Variants in ACSM6 observed in about 807,000 individuals in gnomAD.
ACSM6 encodes acyl-CoA synthetase medium chain family member 6, also known as acyl-coenzyme A synthetase ACSM6, mitochondrial.
A neutral mutation model predicts 51.1 loss-of-function variants in ACSM6; 35 were observed. That is an observed-to-expected ratio of 0.69 (90% CI 0.52 to 0.91). ACSM6 has a LOEUF of 0.91. Ranked by LOEUF, ACSM6 falls within the 40% of genes least tolerant of loss-of-function variation. ACSM6 has a pLI of 0.00. For missense variants in ACSM6, 509 were observed against 584.1 expected (o/e 0.87, Z 1.32); for synonymous variants, 172 against 207.3 (o/e 0.83, Z 1.46).
exon 8 of ACSM6, chr10:95,214,914 T>C (rs1467831251): frequency 6.4e-7 from 1 of 1,551,626 alleles, no homozygotes; most frequent in Non-Finnish European, 8.7e-7. Flanking sequence ...CCTGGGGTGA[T>C]TGAGGACTGG....
intron 4 of ACSM6, among the ~76,000 whole-genome samples, chr10:95,208,933 TAAAAAAAAAAAAA>T (rs34370150): frequency 1.8e-4 from 6 of 33,928 alleles, no homozygotes; most frequent in South Asian, 2.5e-3. Flanking sequence ...CAGGGATGTT[TAAAAAAAAAAAAA>T]AAAAAAAAAA....
At chr10:95,200,599 G>GAAGGAA (rs2034784966) in intron 2 of ACSM6, among the ~76,000 whole-genome samples, 4 of 105,330 alleles carry the variant, frequency 3.8e-5, no homozygotes, top group African/African-American at 1.4e-4. Context: ...AGAAGAAGAA[G>GAAGGAA]AAGGAGAAGG....
chr10:95,217,223 C>T (rs997569911), intron 8 of ACSM6, among the ~76,000 whole-genome samples: 2 of 152,020 alleles, frequency 1.3e-5, no homozygotes, highest in African/African-American at 4.8e-5. Flanking sequence ...TGGCACGCAC[C>T]TGCAGTCCCA....
At chr10:95,211,549 A>T (rs1365526674) in intron 5 of ACSM6, among the ~76,000 whole-genome samples, 1 of 152,258 alleles carries the variant, frequency 6.6e-6, no homozygotes, top group East Asian at 1.9e-4. Context: ...TCAGGTAGAG[A>T]AATAAAACAG....
Position 95,202,214 on chromosome 10 carries a change from A to G in ACSM6, c.403+19A>G. 1 of 1,545,836 alleles carries G rather than the reference A, an allele frequency of 6.5e-7. No homozygotes were observed. The highest frequency in any genetic ancestry group is 1.2e-5 in the South Asian group (1 of 83,902). ...CGCTTGGGTGAGGCATGGGAGACGG[A>G]CCCCAGGGGTTGGAGGCTTATGTGA... On this transcript the variant is annotated intron_variant, in intron 3 of 10. Coordinates refer to ENST00000341686, the Ensembl canonical transcript of ACSM6.
intron 10 of ACSM6, among the ~76,000 whole-genome samples, chr10:95,227,525 A>G (rs938383255): frequency 6.6e-6 from 1 of 152,214 alleles, no homozygotes; most frequent in Non-Finnish European, 1.5e-5. Context: ...ATAATGCTGA[A>G]TATTTCCAGA....
chr10:95,203,887 A>G (rs1425677131), intron 3 of ACSM6, among the ~76,000 whole-genome samples: 1 of 151,618 alleles, frequency 6.6e-6, no homozygotes, highest in Non-Finnish European at 1.5e-5. Context: ...AAAAAACTGA[A>G]AAGTGATTCA....
At chr10:95,194,265 A>G (rs2034703674) in exon 1 of ACSM6, 2 of 479,222 alleles carry the variant, frequency 4.2e-6, no homozygotes, top group Admixed American at 6.6e-5. Context: ...CCATCCTCCA[A>G]ACATCTGAAG....
At position 95,207,461 on chromosome 10, in the gene ACSM6, G is replaced by A. The variant is rs758161945; in HGVS notation, c.611+46G>A. 15 of 1,572,724 alleles carry A rather than the reference G, an allele frequency of 9.5e-6. No homozygotes were observed. In the African/African-American group the frequency reaches 2.0e-4, roughly 21 times the overall value. The stretch of plus-strand genomic sequence containing the variant: ...AGATGCTTAAATGAAGGAAATGTTT[G>A]ACTTTGAAAGATGATGATATATGAG... On this transcript the variant is annotated intron_variant, in intron 4 of 10. Coordinates refer to ENST00000341686, the Ensembl canonical transcript of ACSM6.
chr10:95,220,803 G>T (rs2034988528), intron 9 of ACSM6, among the ~76,000 whole-genome samples: 1 of 152,000 alleles, frequency 6.6e-6, no homozygotes, highest in Non-Finnish European at 1.5e-5. Context: ...TTATATGTTT[G>T]TTTTTTCCAG....
intron 9 of ACSM6, among the ~76,000 whole-genome samples, chr10:95,224,288 G>A (rs2035019018): frequency 1.3e-5 from 2 of 152,184 alleles, no homozygotes; most frequent in African/African-American, 4.8e-5. Flanking sequence ...TTTCCAAGGT[G>A]ACAATTTGGA....
chr10:95,227,880 C>T (rs2035055532), intron 10 of ACSM6, among the ~76,000 whole-genome samples: 1 of 152,000 alleles, frequency 6.6e-6, no homozygotes, highest in African/African-American at 2.4e-5. Context: ...GCAGCCTGGC[C>T]AACATGGCAA....
intron 9 of ACSM6, among the ~76,000 whole-genome samples, chr10:95,224,986 G>A (rs1456577177): frequency 9.9e-5 from 15 of 152,078 alleles, no homozygotes; most frequent in Admixed American, 9.8e-4. Context: ...CTGTATAATA[G>A]GTGCACTTTA....
intron 8 of ACSM6, among the ~76,000 whole-genome samples, chr10:95,217,452 C>G (rs1049257010): frequency 2.0e-5 from 3 of 151,828 alleles, no homozygotes; most frequent in African/African-American, 4.8e-5. Flanking sequence ...AGCAAAAACA[C>G]AAAATATTTT....
chr10:95,223,155 T>TACACACACACAC (rs1564592116), intron 9 of ACSM6, among the ~76,000 whole-genome samples: 1 of 106,114 alleles, frequency 9.4e-6, no homozygotes, highest in African/African-American at 3.2e-5. Context: ...CACGCACACA[T>TACACACACACAC]ACAGACACAC....
At chr10:95,201,488 C>A (rs1364099929) in intron 2 of ACSM6, 2 of 455,728 alleles carry the variant, frequency 4.4e-6, no homozygotes, top group Non-Finnish European at 4.4e-6. Context: ...GACAGGATTT[C>A]ATTCTTTTCC....
intron 8 of ACSM6, 71 bp from the exon 9 acceptor site, chr10:95,219,820 T>C: frequency 8.7e-7 from 1 of 1,155,618 alleles, no homozygotes; most frequent in East Asian, 2.3e-5. Flanking sequence ...AATGTCTGGT[T>C]ATGATCAATA....
chr10:95,207,558 G>C (rs1001603240), intron 4 of ACSM6, 143 bp downstream of exon 4: 3 of 876,624 alleles, frequency 3.4e-6, no homozygotes, highest in African/African-American at 1.7e-5. Context: ...TGTATGAGAA[G>C]GTGGTGTGAG....
At chr10:95,210,922 G>T in intron 5 of ACSM6, 129 bp downstream of exon 5, 1 of 1,147,604 alleles carries the variant, frequency 8.7e-7, no homozygotes. Flanking sequence ...ATTGAGAGAA[G>T]GAACAGGGCT....
Sources: gnomAD v4.1 joint callset for allele counts (sites outside exome capture counted in the v4.1 genomes callset) on GRCh38, gnomAD v4.1.1 for gene constraint, MANE v1.5 for transcripts, NCBI Gene and HGNC (gene_info 2026-07-23, HGNC 2026-07-21) for gene names.